The following LGSN variants were observed in gnomAD, a reference collection of about 807,000 sequenced individuals.
LGSN encodes lengsin.
In LGSN, 21 loss-of-function variants were observed where a neutral mutation model predicts 19.5. The ratio of observed to expected loss-of-function variants is 1.07; its 90% CI spans 0.76 to 1.55. The LOEUF (loss-of-function observed/expected upper bound fraction) is 1.55, where lower values mean the gene tolerates loss of function less well. Ranked by LOEUF, LGSN falls within the 40% of genes most tolerant of loss-of-function variation. LGSN has a pLI of 0.00. For missense variants in LGSN, 673 were observed against 608.5 expected (o/e 1.11, Z -1.12); for synonymous variants, 257 against 215.6 (o/e 1.19, Z -1.68).
the LGSN span, among the ~76,000 whole-genome samples, chr6:63,327,979 C>G: frequency 6.6e-6 from 1 of 152,142 alleles, no homozygotes; most frequent in Non-Finnish European, 1.5e-5. Flanking sequence ...AGTGGGGGTT[C>G]CCAGAGGTTA....
At chr6:63,475,930 G>A in the LGSN span, among the ~76,000 whole-genome samples, 1 of 152,192 alleles carries the variant, frequency 6.6e-6, no homozygotes, top group Non-Finnish European at 1.5e-5. Context: ...CAGAGGAAGA[G>A]GGAAAAGGCA....
intron 2 of LGSN, among the ~76,000 whole-genome samples, chr6:63,291,721 C>A: frequency 6.6e-6 from 1 of 152,220 alleles, no homozygotes; most frequent in African/African-American, 2.4e-5. Context: ...TGCCAGGGGA[C>A]TGCCCTCTTC....
chr6:63,431,902 A>G, the LGSN span, among the ~76,000 whole-genome samples: 2 of 149,840 alleles, frequency 1.3e-5, no homozygotes, highest in Admixed American at 1.3e-4. Flanking sequence ...ACCCGACTCT[A>G]CTGAAAAAAA....
the LGSN span, among the ~76,000 whole-genome samples, chr6:63,438,358 T>A: frequency 1.3e-5 from 2 of 152,040 alleles, no homozygotes; most frequent in Non-Finnish European, 2.9e-5. Flanking sequence ...ACAAATGGGA[T>A]CTAATTAAAC....
the LGSN span, among the ~76,000 whole-genome samples, chr6:63,456,385 ATATATATAC>A: frequency 2.3e-5 from 1 of 43,032 alleles, no homozygotes; most frequent in African/African-American, 7.2e-5. Context: ...ATATATATAT[ATATATATAC>A]TTTTTTTTTT....
chr6:63,506,253 G>T, the LGSN span, among the ~76,000 whole-genome samples: 103 of 44,446 alleles, frequency 2.3e-3, no homozygotes, highest in South Asian at 6.0e-3. Context: ...GGTGGTGGTG[G>T]TGTTGTTGTT....
the LGSN span, among the ~76,000 whole-genome samples, chr6:63,501,381 AGAG>A: frequency 6.8e-6 from 1 of 148,090 alleles, no homozygotes; most frequent in Non-Finnish European, 1.5e-5. Flanking sequence ...AAAAAAAATT[AGAG>A]GAGAAGCCAT....
the LGSN span, among the ~76,000 whole-genome samples, chr6:63,424,247 AAAAT>A: frequency 3.0e-3 from 454 of 152,288 alleles, 2 homozygotes; most frequent in Middle Eastern, 6.8e-3. Context: ...AAAATAAAAT[AAAAT>A]AAATAAACTA....
chr6:63,344,803 A>G, the LGSN span, among the ~76,000 whole-genome samples: 4 of 152,234 alleles, frequency 2.6e-5, no homozygotes, highest in African/African-American at 7.2e-5. Flanking sequence ...GTTGTAGTAC[A>G]GAAAAAAATA....
chr6:63,430,408 A>G, the LGSN span, among the ~76,000 whole-genome samples: 1 of 152,052 alleles, frequency 6.6e-6, no homozygotes, highest in African/African-American at 2.4e-5. Flanking sequence ...TATTTATTTT[A>G]GACAGAGTCT....
the LGSN span, among the ~76,000 whole-genome samples, chr6:63,358,099 C>T: frequency 2.0e-5 from 3 of 152,170 alleles, no homozygotes; most frequent in East Asian, 1.9e-4. Flanking sequence ...AATCCTTTCC[C>T]CATTGCTTGT....
At chr6:63,292,940 C>T (rs1767834307) in intron 2 of LGSN, among the ~76,000 whole-genome samples, 1 of 152,162 alleles carries the variant, frequency 6.6e-6, no homozygotes, top group African/African-American at 2.4e-5. Context: ...CCTCTAACGT[C>T]CCACTCTGGT....
chr6:63,337,804 A>C, the LGSN span, among the ~76,000 whole-genome samples: 1 of 151,678 alleles, frequency 6.6e-6, no homozygotes. Flanking sequence ...ATACTGTCTC[A>C]AAAACAAACA....
At chr6:63,365,003 C>CA in the LGSN span, among the ~76,000 whole-genome samples, 1 of 152,064 alleles carries the variant, frequency 6.6e-6, no homozygotes, top group Non-Finnish European at 1.5e-5. Context: ...AAAACTGACA[C>CA]CCTAACATCA....
At chr6:63,523,932 C>T in the LGSN span, among the ~76,000 whole-genome samples, 2 of 151,838 alleles carry the variant, frequency 1.3e-5, no homozygotes, top group African/African-American at 4.8e-5. Flanking sequence ...TAAGGTATGA[C>T]TATATAAACA....
chr6:63,292,221 A>G (rs746878842), intron 2 of LGSN, among the ~76,000 whole-genome samples: 3 of 152,146 alleles, frequency 2.0e-5, no homozygotes, highest in Non-Finnish European at 4.4e-5. Flanking sequence ...GCCTTGGAAA[A>G]CCTGAAACAA....
At chr6:63,562,843 G>T in the LGSN span, among the ~76,000 whole-genome samples, 2 of 152,152 alleles carry the variant, frequency 1.3e-5, no homozygotes, top group Admixed American at 6.5e-5. Flanking sequence ...TAAGTTTCTG[G>T]TTTATTCCCT....
chr6:63,541,090 T>C, the LGSN span, among the ~76,000 whole-genome samples: 1 of 151,906 alleles, frequency 6.6e-6, no homozygotes, highest in Non-Finnish European at 1.5e-5. Context: ...ACAGAATGAA[T>C]AGTGTGCCCT....
At chr6:63,298,649 A>G (rs114090993) in intron 1 of LGSN, among the ~76,000 whole-genome samples, 81 of 152,274 alleles carry the variant, frequency 5.3e-4, no homozygotes, top group African/African-American at 1.9e-3. Context: ...TCTATCCCAT[A>G]CCTCTACATG....
Sources: allele counts gnomAD v4.1 joint callset (sites outside exome capture counted in the v4.1 genomes callset), GRCh38; gene constraint gnomAD v4.1.1; transcripts MANE v1.5; gene names NCBI Gene and HGNC (gene_info 2026-07-23, HGNC 2026-07-21).